SH3RF1: variants seen among roughly 807,000 people sequenced by gnomAD.
SH3RF1 encodes SH3 domain containing ring finger 1, also known as E3 ubiquitin-protein ligase SH3RF1.
Under a neutral mutation model 74.0 loss-of-function variants are expected in SH3RF1, and 32 were observed. The observed-to-expected ratio is 0.43, with a 90% confidence interval of 0.33 to 0.58. SH3RF1 has a LOEUF of 0.58. SH3RF1 is among the 20% of genes least tolerant of loss of function. The pLI is 0.05. For synonymous variants in SH3RF1, 396 were observed against 439.6 expected (o/e 0.90, Z 1.24); for missense variants, 954 against 1,130.9 (o/e 0.84, Z 2.24).
chr4:169,100,427 C>T (rs1460450774), intron 11 of SH3RF1, among the ~76,000 whole-genome samples: 10 of 152,120 alleles, frequency 6.6e-5, no homozygotes, highest in Admixed American at 6.5e-5. Flanking sequence ...CCACAAACTC[C>T]GCCTCCTGGG....
Position 169,189,065 on chromosome 4 carries a change from T to C in SH3RF1, c.394-32386A>G, listed in dbSNP as rs539516997. On this transcript the variant is annotated intron_variant, in intron 2 of 11. Coordinates refer to ENST00000284637, the MANE Select transcript of SH3RF1 (RefSeq NM_020870.4). Reference sequence around the variant, plus strand: ...CTGTCTCATTCTTGTAGAAAAAAGATAGTTTGGGCTTAAATAGTTATTCTG... The same window carrying C: ...CTGTCTCATTCTTGTAGAAAAAAGACAGTTTGGGCTTAAATAGTTATTCTG... Among the ~76,000 whole-genome samples, 5 of 152,348 alleles carry C rather than the reference T, an allele frequency of 3.3e-5. No homozygotes were observed. The South Asian group carries it at 6.2e-4, about 19-fold the overall frequency.
intron 2 of SH3RF1, among the ~76,000 whole-genome samples, chr4:169,241,902 C>T (rs1488815729): frequency 6.6e-6 from 1 of 151,840 alleles, no homozygotes; most frequent in Non-Finnish European, 1.5e-5. Flanking sequence ...CAGACTTGCT[C>T]GTAGTTAAAC....
chr4:169,145,245 T>C (rs893891971), intron 4 of SH3RF1, among the ~76,000 whole-genome samples: 1 of 152,188 alleles, frequency 6.6e-6, no homozygotes, highest in Admixed American at 6.5e-5. Flanking sequence ...AAGGATATTA[T>C]GCAGCCATAA....
At chr4:169,101,772 A>AGCTTTGT (rs1290748596) in intron 11 of SH3RF1, among the ~76,000 whole-genome samples, 1 of 151,646 alleles carries the variant, frequency 6.6e-6, no homozygotes, top group Admixed American at 6.6e-5. Context: ...CTGTGGAGGC[A>AGCTTTGT]TTATGGGGTG....
At position 169,185,147 on chromosome 4, in the gene SH3RF1, C is replaced by T. The variant is rs142212001; in HGVS notation, c.394-28468G>A. ...CTGTTGTTCTTTCATTTTGTTCAAT[C>T]ATCCCACAAATATTTATTAGGTCCC... On this transcript the variant is annotated intron_variant, in intron 2 of 11. Transcript: ENST00000284637. Among the ~76,000 whole-genome samples, 707 of 152,308 alleles carry T rather than the reference C, an allele frequency of 4.6e-3. 5 individuals are homozygous for T. Among genetic ancestry groups the T allele is most frequent in the African/African-American group, 0.016 (682 of 41,568 alleles).
intron 2 of SH3RF1, among the ~76,000 whole-genome samples, chr4:169,242,692 T>C (rs1259981586): frequency 6.6e-6 from 1 of 152,180 alleles, no homozygotes; most frequent in African/African-American, 2.4e-5. Context: ...TCTGCCCTCA[T>C]AAATGGACTG....
At chr4:169,265,323 G>A (rs1015261708) in intron 2 of SH3RF1, among the ~76,000 whole-genome samples, 1 of 152,276 alleles carries the variant, frequency 6.6e-6, no homozygotes, top group East Asian at 1.9e-4. Flanking sequence ...GTATAAATTA[G>A]TATAAATCAG....
rs528620231 is a variant in SH3RF1 at position 169,116,457 on chromosome 4, G to A, written c.1951C>T (p.Arg651Ter). ...GCACAGGCCAGAGGGGCACTGGCTC[G>A]ACTGATACTGATGGCAGCAGTGTGC... ...ATHTAAISIS[R>*]ASAPLACAAA... The change falls in exon 10 of 12, where the codon CGA becomes TGA. Residue 651 changes from arginine to a stop codon, truncating the protein, a stop_gained. Coordinates refer to ENST00000284637, the MANE Select transcript of SH3RF1 (RefSeq NM_020870.4). LOFTEE classifies it high-confidence loss of function. The A allele has an allele frequency of 1.2e-6, 2 of 1,614,000 alleles. No individual in the cohort carries two copies. The highest frequency in any genetic ancestry group is 8.5e-7 in the Non-Finnish European group (1 of 1,179,946).
At chr4:169,182,356 T>C (rs939664792) in intron 2 of SH3RF1, among the ~76,000 whole-genome samples, 2 of 152,248 alleles carry the variant, frequency 1.3e-5, no homozygotes, top group Non-Finnish European at 2.9e-5. Flanking sequence ...TGCTTGTGCA[T>C]GATAACAGAG....
intron 2 of SH3RF1, among the ~76,000 whole-genome samples, chr4:169,160,214 AAC>A (rs1491398852): frequency 6.6e-6 from 1 of 152,220 alleles, no homozygotes; most frequent in African/African-American, 2.4e-5. Flanking sequence ...AACCATTCTG[AAC>A]TGCTCCTTGA....
chr4:169,110,146 G>A (rs11932952), intron 10 of SH3RF1, among the ~76,000 whole-genome samples: 309 of 151,602 alleles, frequency 2.0e-3, no homozygotes, highest in African/African-American at 6.8e-3. Flanking sequence ...AGGCCAAGGC[G>A]GCAGGATTGC....
chr4:169,128,774 C>A (rs1039486589), intron 6 of SH3RF1, among the ~76,000 whole-genome samples: 15 of 152,174 alleles, frequency 9.9e-5, no homozygotes, highest in Non-Finnish European at 1.9e-4. Flanking sequence ...GAAATAAAAT[C>A]TTTACAACAT....
intron 2 of SH3RF1, among the ~76,000 whole-genome samples, chr4:169,225,343 G>A (rs1730640784): frequency 6.6e-6 from 1 of 152,190 alleles, no homozygotes; most frequent in African/African-American, 2.4e-5. Flanking sequence ...CAGCACAAGT[G>A]AGGGCTGGAG....
chr4:169,216,976 C>A (rs1730473744), intron 2 of SH3RF1, among the ~76,000 whole-genome samples: 1 of 138,558 alleles, frequency 7.2e-6, no homozygotes, highest in African/African-American at 2.6e-5. Context: ...CATGGCGAAA[C>A]CCCATCTCTA....
chr4:169,173,033 T>C (rs1421786072), intron 2 of SH3RF1, among the ~76,000 whole-genome samples: 1 of 152,188 alleles, frequency 6.6e-6, no homozygotes, highest in African/African-American at 2.4e-5. Context: ...TTGCTATAAA[T>C]AGAGTATCTT....
At chr4:169,105,868 A>C (rs535830711) in intron 11 of SH3RF1, among the ~76,000 whole-genome samples, 1 of 152,342 alleles carries the variant, frequency 6.6e-6, no homozygotes, top group African/African-American at 2.4e-5. Context: ...CCTGCGCAAC[A>C]GAGCAAGACC....
chr4:169,152,576 A>G (rs1309782344), intron 4 of SH3RF1, among the ~76,000 whole-genome samples: 6 of 152,100 alleles, frequency 3.9e-5, no homozygotes, highest in Non-Finnish European at 7.4e-5. Context: ...CGTCTCTACT[A>G]AAAACACAAA....
intron 10 of SH3RF1, 121 bp downstream of exon 10, chr4:169,116,148 G>A (rs1733327523): frequency 4.9e-6 from 7 of 1,417,182 alleles, no homozygotes; most frequent in Non-Finnish European, 6.7e-6. Flanking sequence ...CACACGTAGG[G>A]AGCACCTGAG....
intron 2 of SH3RF1, among the ~76,000 whole-genome samples, chr4:169,163,964 T>C (rs115574930): frequency 1.2e-3 from 179 of 152,296 alleles, no homozygotes; most frequent in Non-Finnish European, 2.2e-3. Context: ...TGTGGGTCAA[T>C]AGGACAGTCT....
Sources: gnomAD v4.1 joint callset for allele counts (sites outside exome capture counted in the v4.1 genomes callset) on GRCh38, gnomAD v4.1.1 for gene constraint, MANE v1.5 for transcripts, NCBI Gene and HGNC (gene_info 2026-07-23, HGNC 2026-07-21) for gene names.